DPP6: variants seen among roughly 807,000 people sequenced by gnomAD.
The protein encoded by DPP6 is A-type potassium channel modulatory protein DPP6.
DPP6 carries 69 observed loss-of-function variants against 122.6 expected under a neutral mutation model. The ratio of observed to expected loss-of-function variants is 0.56; its 90% confidence interval spans 0.46 to 0.69. The LOEUF (loss-of-function observed/expected upper bound fraction) is 0.69, where lower values mean the gene tolerates loss of function less well. DPP6 is among the 30% of genes least tolerant of loss of function. The probability of loss-of-function intolerance (pLI) is 0.00; values close to 1 mark genes in which losing one functional copy is unlikely to be tolerated. For synonymous variants in DPP6, 418 were observed against 433.1 expected (o/e 0.97, Z 0.43); for missense variants, 928 against 1,116.9 (o/e 0.83, Z 2.41).
the DPP6 span, among the ~76,000 whole-genome samples, chr7:153,757,812 C>G: frequency 6.6e-6 from 1 of 152,104 alleles, no homozygotes; most frequent in African/African-American, 2.4e-5. Flanking sequence ...CAAAAATTAG[C>G]CAGGCACGGT....
At chr7:154,582,919 G>A (rs1226898150) in intron 5 of DPP6, among the ~76,000 whole-genome samples, 3 of 152,320 alleles carry the variant, frequency 2.0e-5, no homozygotes, top group African/African-American at 7.2e-5. Context: ...GAAGGTATGA[G>A]TGTCTTCCCC....
intron 1 of DPP6, among the ~76,000 whole-genome samples, chr7:154,016,521 G>C (rs1026253977): frequency 6.6e-5 from 10 of 151,990 alleles, no homozygotes; most frequent in African/African-American, 2.2e-4. Context: ...CCAGCACTTT[G>C]TGAGGCTGAG....
chr7:154,373,879 G>C (rs1055502214), intron 1 of DPP6, among the ~76,000 whole-genome samples: 6 of 152,110 alleles, frequency 3.9e-5, no homozygotes, highest in African/African-American at 1.4e-4. Flanking sequence ...GGAATCTGAT[G>C]GTATTTGTCC....
At chr7:154,778,873 C>T (rs551753756) in intron 10 of DPP6, among the ~76,000 whole-genome samples, 2 of 150,786 alleles carry the variant, frequency 1.3e-5, no homozygotes, top group Non-Finnish European at 3.0e-5. Flanking sequence ...ACCTTTACAA[C>T]TTCCAACACT....
At chr7:154,517,853 G>T (rs1437875358) in intron 3 of DPP6, among the ~76,000 whole-genome samples, 1 of 152,144 alleles carries the variant, frequency 6.6e-6, no homozygotes, top group African/African-American at 2.4e-5. Context: ...GGAGTAAACA[G>T]ATATCGCACT....
chr7:153,822,267 G>A, the DPP6 span, among the ~76,000 whole-genome samples: 2 of 141,164 alleles, frequency 1.4e-5, no homozygotes, highest in African/African-American at 5.4e-5. Flanking sequence ...TCAGCTCACT[G>A]CAAGCTCCAC....
intron 1 of DPP6, among the ~76,000 whole-genome samples, chr7:154,272,068 T>C (rs965630731): frequency 6.6e-6 from 1 of 152,222 alleles, no homozygotes; most frequent in African/African-American, 2.4e-5. Flanking sequence ...TCAATGTATC[T>C]ACCTCCCTGG....
chr7:154,331,173 T>C (rs1315100098), intron 1 of DPP6, among the ~76,000 whole-genome samples: 1 of 152,228 alleles, frequency 6.6e-6, no homozygotes, highest in Non-Finnish European at 1.5e-5. Context: ...CTAGGGATAC[T>C]GTGTAAAGAC....
At chr7:154,480,835 C>T (rs775822846) in intron 3 of DPP6, among the ~76,000 whole-genome samples, 3 of 152,192 alleles carry the variant, frequency 2.0e-5, no homozygotes, top group Admixed American at 1.3e-4. Context: ...ACCCTATCCA[C>T]AACCTTTCTG....
In DPP6 at chr7:154,241,272, CAT is replaced by C. The variant is rs1362780748; in HGVS notation, c.243+188212_243+188213del. 6.6e-6 allele frequency among the ~76,000 whole-genome samples: 1 copy of C among 150,524 alleles called. No homozygotes were observed. The highest frequency in any genetic ancestry group is 1.5e-5 in the Non-Finnish European group (1 of 67,694). On this transcript the variant is annotated intron_variant, in intron 1 of 25. Transcript: ENST00000377770. This position sits in a 1 kb window ranked among gnomAD's most constrained non-coding sequence, Gnocchi z 9.0. ...ACTTTTATCCATTTAGGAAGACAAA[CAT>C]ATTCATAACTATGTTTTCCATTAAA...
rs1804735279 is a variant in DPP6 at position 154,875,085 on chromosome 7, G to A, written c.1884-821G>A. ...ACTGCACTCCAGCCTGGCCGACAGA[G>A]TGAGACCCTGTCTCAAACAAAAGAA... On this transcript the variant is annotated intron_variant, in intron 19 of 25. Transcript: ENST00000377770. The surrounding 1 kb of genome is among the most constrained non-coding windows in gnomAD (Gnocchi z 4.5). Among the ~76,000 whole-genome samples the A allele has an allele frequency of 1.3e-5, 2 of 149,974 alleles. No homozygotes were observed. The highest frequency in any genetic ancestry group is 4.9e-5 in the African/African-American group (2 of 40,702).
chr7:154,322,504 C>T (rs956736107), intron 1 of DPP6, among the ~76,000 whole-genome samples: 3 of 152,160 alleles, frequency 2.0e-5, no homozygotes, highest in African/African-American at 4.8e-5. Flanking sequence ...TGGAGAGACT[C>T]GTGCTTAATA....
intron 1 of DPP6, among the ~76,000 whole-genome samples, chr7:154,265,418 C>T (rs1416491186): frequency 6.6e-6 from 1 of 152,176 alleles, no homozygotes; most frequent in African/African-American, 2.4e-5. Context: ...GTAGCTTGTG[C>T]CACTCAAGTC....
rs10254472 is a variant in DPP6 at position 154,561,297 on chromosome 7, C to T, written c.553-5545C>T. Reference sequence around the variant, plus strand: ...CACATCACTCATCAATAGAAAAATGCACATTCCTCTGAGTGCACGTGAAAC... The same window carrying T: ...CACATCACTCATCAATAGAAAAATGTACATTCCTCTGAGTGCACGTGAAAC... On this transcript the variant is annotated intron_variant, in intron 4 of 25. Coordinates refer to ENST00000377770, the MANE Select transcript of DPP6 (RefSeq NM_130797.4). Among the ~76,000 whole-genome samples the T allele has an allele frequency of 8.2e-3, 1,248 of 152,290 alleles. 16 individuals are homozygous for T. Among genetic ancestry groups the T allele is most frequent in the African/African-American group, 0.028 (1,168 of 41,562 alleles).
Position 154,173,336 on chromosome 7 carries a change from T to C in DPP6, c.243+120273T>C, listed in dbSNP as rs543584891. On this transcript the variant is annotated intron_variant, in intron 1 of 25. Transcript: ENST00000377770. The stretch of plus-strand genomic sequence containing the variant: ...GAATCTATGGACAGGGTTTTTATTC[T>C]TAGTGAATTTTGAAGAAGTGACGTA... Among the ~76,000 whole-genome samples the C allele has an allele frequency of 9.8e-4, 149 of 152,332 alleles. 1 individual carries two copies. The highest frequency in any genetic ancestry group is 3.5e-3 in the African/African-American group (144 of 41,580).
At chr7:154,060,821 A>AGTG (rs1801732166) in intron 1 of DPP6, among the ~76,000 whole-genome samples, 10 of 109,704 alleles carry the variant, frequency 9.1e-5, no homozygotes, top group African/African-American at 4.1e-4. Context: ...CCCATGAGGC[A>AGTG]GGGACTGAGA....
intron 1 of DPP6, among the ~76,000 whole-genome samples, chr7:154,294,255 C>T (rs1805392906): frequency 1.3e-5 from 2 of 152,060 alleles, no homozygotes; most frequent in South Asian, 2.1e-4. Context: ...GACATTTGCA[C>T]GGGGCACTAA....
the DPP6 span, among the ~76,000 whole-genome samples, chr7:153,837,740 T>C: frequency 6.6e-6 from 1 of 151,740 alleles, no homozygotes; most frequent in Non-Finnish European, 1.5e-5. Flanking sequence ...CAGGCTGGAG[T>C]GCAGTGGCAA....
At chr7:154,721,252 G>T (rs1218805379) in intron 7 of DPP6, among the ~76,000 whole-genome samples, 3 of 152,168 alleles carry the variant, frequency 2.0e-5, no homozygotes, top group Non-Finnish European at 4.4e-5. Context: ...TCCAATCCTG[G>T]CTCCTCCTTC....
Sources: gnomAD v4.1 joint callset for allele counts (sites outside exome capture counted in the v4.1 genomes callset) on GRCh38, gnomAD v4.1.1 for gene constraint, Gnocchi (gnomAD v3.1) non-coding constraint, MANE v1.5 for transcripts, NCBI Gene and HGNC (gene_info 2026-07-23, HGNC 2026-07-21) for gene names.